The following EMILIN3 variants were observed in gnomAD, a reference collection of about 807,000 sequenced individuals.
EMILIN3 encodes the protein EMILIN-3.
Under a neutral mutation model 42.8 loss-of-function variants are expected in EMILIN3, and 38 were observed. The observed-to-expected ratio is 0.89, with a 90% CI of 0.69 to 1.16. The LOEUF (loss-of-function observed/expected upper bound fraction) is 1.16. EMILIN3 is among the 50% of genes most tolerant of loss of function. EMILIN3 has a pLI of 0.00. For missense variants in EMILIN3, 924 were observed against 999.5 expected, an observed-to-expected ratio of 0.92 and a Z score of 1.02; for synonymous variants, 430 against 440.5, an observed-to-expected ratio of 0.98 and a Z score of 0.30.
rs770795588 is a variant in EMILIN3 at position 41,362,194 on chromosome 20, C to G, written c.1375G>C (p.Gly459Arg). The G allele has an allele frequency of 1.5e-5, 25 of 1,613,884 alleles. No individual in the cohort carries two copies. In the African/African-American group the frequency reaches 1.6e-4, roughly 10 times the overall value. ...ARGCCLRLDMGGWGVGGFGTM... is the reference protein window; with the variant it reads ...ARGCCLRLDMRGWGVGGFGTM... ...CCAAAGCCGCCCACTCCCCACCCCC[C>G]CATGTCCAACCTCAGACAGCATCCC... Residue 459 changes from glycine (G) to arginine (R), a missense_variant, in exon 4 of 4, where the codon GGG becomes CGG. Coordinates refer to ENST00000332312, the MANE Select transcript of EMILIN3 (RefSeq NM_052846.2).
chr20:41,362,577 T>A lies in EMILIN3; in HGVS notation c.992A>T (p.Asp331Val). The A allele has an allele frequency of 6.2e-7, 1 of 1,600,672 alleles. No individual in the cohort carries two copies. Among genetic ancestry groups the A allele is most frequent in the Non-Finnish European group, 8.5e-7 (1 of 1,179,300 alleles). Residue 331 changes from aspartate to valine, a missense_variant, in exon 4 of 4, where the codon GAC becomes GTC. By Grantham distance (152) the Asp-to-Val change is radical (BLOSUM62 -3). Transcript: ENST00000332312. ...CCGCCGTACCTCCTGCACCCGCAGG[T>A]CACACTCACTCTGGACGCCTTGCAG... ...QKLQGVQSEC[D>V]LRVQEVRRQC... is the part of the protein sequence containing the mutation.
rs530284047 is a variant in EMILIN3, at chr20:41,361,103, G to A, written c.*165C>T. On this transcript the variant is annotated 3_prime_UTR_variant, in exon 4 of 4. Coordinates refer to ENST00000332312, the MANE Select transcript of EMILIN3 (RefSeq NM_052846.2). ...TCCAGTTTCTGCAGCACTGTGCATG[G>A]GTTTTGGTGGCTGGGACAGCCACGT... 1.0e-4 allele frequency: 66 copies of A among 654,942 alleles called. No individual in the cohort carries two copies. The highest frequency in any genetic ancestry group is 3.6e-4 in the Admixed American group (12 of 33,722). 40.6% of individuals were successfully genotyped at this position (654,942 alleles called of 1,614,324 possible). A position where few individuals can be genotyped will look rare whatever the true frequency, so the allele number is the denominator to read the frequency against.
At position 41,360,091 on chromosome 20, in the gene EMILIN3, C is replaced by T. The variant is rs1043341183; in HGVS notation, c.*1177G>A. On this transcript the variant is annotated 3_prime_UTR_variant, in exon 4 of 4. Coordinates refer to ENST00000332312, the MANE Select transcript of EMILIN3 (RefSeq NM_052846.2). ...GACCTGAAGAGCAGCACAGTGGGGC[C>T]CGTGCTGCTGTGGGGGAAACTGAGG... 6.5e-6 allele frequency: 1 copy of T among 152,676 alleles called. No homozygotes were observed. The highest frequency in any genetic ancestry group is 2.4e-5 in the African/African-American group (1 of 41,442). 9.5% of individuals were successfully genotyped at this position (152,676 alleles called of 1,614,324 possible).
In EMILIN3 at chr20:41,361,028, A is replaced by C. The variant is rs973460427; in HGVS notation, c.*240T>G. 1 of 493,624 alleles carries C rather than the reference A, an allele frequency of 2.0e-6. No homozygotes were observed. 30.6% of individuals were successfully genotyped at this position (493,624 alleles called of 1,614,324 possible). ...GTGGAATGTGAACTCTCTCAAGTCT[A>C]CCCTGGCCTTCAAGCATGACATCCT... On this transcript the variant is annotated 3_prime_UTR_variant, in exon 4 of 4. Coordinates refer to ENST00000332312, the MANE Select transcript of EMILIN3 (RefSeq NM_052846.2).
Position 41,360,479 on chromosome 20 carries a change from C to T in EMILIN3, c.*789G>A, listed in dbSNP as rs1180244003. On this transcript the variant is annotated 3_prime_UTR_variant, in exon 4 of 4. Transcript: ENST00000332312. ...AAAGGATAAATTTGGAGTGGGGGGT[C>T]TCTAAACAGATTGCCTGGATTCCGT... 1 of 152,742 alleles carries T rather than the reference C, an allele frequency of 6.5e-6. No individual in the cohort carries two copies. The highest frequency in any genetic ancestry group is 1.5e-5 in the Non-Finnish European group (1 of 68,136). The allele number at this position is 152,742 out of a possible 1,614,324, so 9.5% of individuals were successfully genotyped here.
In EMILIN3 at chr20:41,362,602, G is replaced by A. The variant is rs1337940600; in HGVS notation, c.967C>T (p.Leu323=). The part of the protein sequence containing the change: ...GSLLDGFEQK[L]QGVQSECDLR... ...TCACACTCACTCTGGACGCCTTGCAGCTTCTGCTCAAAGCCATCCAGCAGG... is the reference window on the plus strand; with the variant it reads ...TCACACTCACTCTGGACGCCTTGCAACTTCTGCTCAAAGCCATCCAGCAGG... Residue 323 remains leucine, a synonymous_variant, in exon 4 of 4, where the codon CTG becomes TTG. Transcript: ENST00000332312. 1 of 1,602,604 alleles carries A rather than the reference G, an allele frequency of 6.2e-7. No homozygotes were observed. The highest frequency in any genetic ancestry group is 8.5e-7 in the Non-Finnish European group (1 of 1,179,512).
chr20:41,363,102 C>G, intron 3 of EMILIN3, 48 bp from the exon 4 acceptor site: 1 of 1,423,806 alleles, frequency 7.0e-7, no homozygotes, highest in South Asian at 1.5e-5. Flanking sequence ...CTCACCCTCT[C>G]AGCTTGTCAC....
rs189552689 is a variant in EMILIN3 at position 41,361,913 on chromosome 20, G to C, written c.1656C>G (p.Ala552=). Residue 552 remains alanine (A), a synonymous_variant, in exon 4 of 4, where the codon GCC becomes GCG. Transcript: ENST00000332312. ...GCTGCTGGAGCAGTGCTGCGTGGCT[G>C]GCCACCTGGCGTAGGAGGGCCTCGC... ...SRSEALLRQV[A]SHAALLQQLN... is the part of the protein sequence containing the mutation. 6.2e-7 allele frequency: 1 copy of C among 1,613,256 alleles called. No individual in the cohort carries two copies. The highest frequency in any genetic ancestry group is 8.5e-7 in the Non-Finnish European group (1 of 1,180,000).
chr20:41,363,543 G>A (rs796705265), intron 3 of EMILIN3, 95 bp downstream of exon 3: 34 of 1,273,950 alleles, frequency 2.7e-5, no homozygotes, highest in African/African-American at 2.1e-4. Context: ...CATCCATGCC[G>A]GAGCTCAGCC....
chr20:41,361,001 C>T lies in EMILIN3; in HGVS notation c.*267G>A. On this transcript the variant is annotated 3_prime_UTR_variant, in exon 4 of 4. Coordinates refer to ENST00000332312, the MANE Select transcript of EMILIN3 (RefSeq NM_052846.2). ...GGCTGTCCAGACACTGATTTGCTGA[C>T]AGTGGAATGTGAACTCTCTCAAGTC... 2 of 457,970 alleles carry T rather than the reference C, an allele frequency of 4.4e-6. No individual in the cohort carries two copies. The highest frequency in any genetic ancestry group is 3.3e-5 in the East Asian group (1 of 30,736). 28.4% of individuals were successfully genotyped at this position (457,970 alleles called of 1,614,324 possible).
chr20:41,362,351 G>C lies in EMILIN3; in HGVS notation c.1218C>G (p.Thr406=). The C allele has an allele frequency of 6.2e-7, 1 of 1,608,998 alleles. No individual in the cohort carries two copies. Among genetic ancestry groups the C allele is most frequent in the African/African-American group, 1.3e-5 (1 of 75,048 alleles). The change falls in exon 4 of 4, where the codon ACC becomes ACG. Residue 406 remains threonine (T), a synonymous_variant. Transcript: ENST00000332312. ...DGLERALQAV[T]ETQRGPGAPA... ...GGGCACCGGGGCCCCTTTGGGTCTCGGTGACTGCCTGCAGGGCCCTCTCAA... is the reference window on the plus strand; with the variant it reads ...GGGCACCGGGGCCCCTTTGGGTCTCCGTGACTGCCTGCAGGGCCCTCTCAA...
rs1324816594 is a variant in EMILIN3, at chr20:41,362,999, G to T, written c.570C>A (p.Val190=). The T allele has an allele frequency of 6.2e-7, 1 of 1,609,260 alleles. No individual in the cohort carries two copies. The highest frequency in any genetic ancestry group is 8.5e-7 in the Non-Finnish European group (1 of 1,176,724). The change falls in exon 4 of 4, where the codon GTC becomes GTA. Residue 190 remains valine (V), a synonymous_variant. Transcript: ENST00000332312. ...TACCATATGTTTGAGCCAGGCGCTG[G>T]ACATCACCCTCCAGGCGTTCCAGCC... ...GERLERLEGD[V]QRLAQTYGTL...
Position 41,362,144 on chromosome 20 carries a change from C to T in EMILIN3, c.1425G>A (p.Gln475=). ...GFGTMLEERV[Q]SLEERLATLA... ...ATGTTGCTAGGCGCTCCTCGAGGCT[C>T]TGCACGCGCTCTTCCAGCATGGTCC... The change falls in exon 4 of 4, where the codon CAG becomes CAA. Residue 475 remains glutamine (Q), a synonymous_variant. Transcript: ENST00000332312. The T allele has an allele frequency of 6.2e-7, 1 of 1,610,224 alleles. No homozygotes were observed. The highest frequency in any genetic ancestry group is 8.5e-7 in the Non-Finnish European group (1 of 1,177,552).
rs770814397 is a variant in EMILIN3, at chr20:41,362,936, G to T, written c.633C>A (p.Asn211Lys). The T allele has an allele frequency of 1.9e-6, 3 of 1,613,596 alleles. No individual in the cohort carries two copies. Among genetic ancestry groups the T allele is most frequent in the Non-Finnish European group, 2.5e-6 (3 of 1,179,834 alleles). The change falls in exon 4 of 4, where the codon AAC becomes AAA. Residue 211 changes from asparagine (N) to lysine (K), a missense_variant. Physicochemically the swap from Asn to Lys is moderately conservative, Grantham distance 94 (BLOSUM62 0). Transcript: ENST00000332312. ...SGLVASHEDPNRMTGGPRAPA... is the reference protein window; with the variant it reads ...SGLVASHEDPKRMTGGPRAPA... ...GAGCCCTGGGGCCACCAGTCATCCT[G>T]TTGGGATCCTCGTGGCTAGCCACCA...
Position 41,361,348 on chromosome 20 carries a change from C to T in EMILIN3, c.2221G>A (p.Asp741Asn), listed in dbSNP as rs565723351. 1.1e-5 allele frequency: 18 copies of T among 1,612,768 alleles called. No individual in the cohort carries two copies. The South Asian group carries it at 1.5e-4, about 14-fold the overall frequency. The change falls in exon 4 of 4, where the codon GAC (aspartate) becomes AAC (asparagine). Residue 741 changes from aspartate to asparagine, a missense_variant. By Grantham distance (23) the Asp-to-Asn change is conservative (BLOSUM62 1). Transcript: ENST00000332312. ...AGGTCATCCCGGAGGCGGGCAATGT[C>T]CTGCGTGTGCTGGGCCAGCGTACGA... ...LNRTLAQHTQDIARLRDDLLD... is the reference protein window; with the variant it reads ...LNRTLAQHTQNIARLRDDLLD...
Position 41,361,891 on chromosome 20 carries a change from G to A in EMILIN3, c.1678C>T (p.Gln560Ter). The change falls in exon 4 of 4, where the codon CAG (glutamine) becomes TAG (stop). Residue 560 changes from glutamine to a stop codon, truncating the protein, a stop_gained. Transcript: ENST00000332312. LOFTEE classifies it high-confidence loss of function. ...ACCTCGGCCACAGTGCCATTGAGCT[G>A]CTGGAGCAGTGCTGCGTGGCTGGCC... Reference protein sequence around the residue: ...QVASHAALLQQLNGTVAEVQG... With the variant: ...QVASHAALLQ The A allele has an allele frequency of 6.2e-7, 1 of 1,613,524 alleles. No homozygotes were observed. The highest frequency in any genetic ancestry group is 8.5e-7 in the Non-Finnish European group (1 of 1,180,036).
In EMILIN3 at chr20:41,360,899, G is replaced by T; in HGVS notation, c.*369C>A. 1 of 297,878 alleles carries T rather than the reference G, an allele frequency of 3.4e-6. No homozygotes were observed. Among genetic ancestry groups the T allele is most frequent in the Non-Finnish European group, 6.3e-6 (1 of 157,950 alleles). The allele number at this position is 297,878 out of a possible 1,614,324, so 18.5% of individuals were successfully genotyped here. A position where few individuals can be genotyped will look rare whatever the true frequency, so the allele number is the denominator to read the frequency against. On this transcript the variant is annotated 3_prime_UTR_variant, in exon 4 of 4. Coordinates refer to ENST00000332312, the MANE Select transcript of EMILIN3 (RefSeq NM_052846.2). ...TGACTGCCTGCAGGGTCCTCTCAAG[G>T]CCTTACATACGGACACTGATCAAGG...
Position 41,365,027 on chromosome 20 carries a change from G to A in EMILIN3, c.290+8C>T, listed in dbSNP as rs577441327. On this transcript the variant is annotated splice_region_variant and intron_variant, in intron 2 of 3. Transcript: ENST00000332312. Reference sequence around the variant, plus strand: ...GATTCCAAGTGTGTAGGTGAGGAGTGCACTTACGTGACTGTCCCGGGGCAC... The same window carrying A: ...GATTCCAAGTGTGTAGGTGAGGAGTACACTTACGTGACTGTCCCGGGGCAC... 112 of 1,613,538 alleles carry A rather than the reference G, an allele frequency of 6.9e-5. 2 individuals are homozygous for A. The East Asian group carries it at 2.0e-3, about 29-fold the overall frequency.
rs149875541 is a variant in EMILIN3 at position 41,362,995 on chromosome 20, G to A, written c.574C>T (p.Arg192Cys). 5.3e-4 allele frequency: 846 copies of A among 1,610,292 alleles called. 2 individuals are homozygous for A. The highest frequency in any genetic ancestry group is 5.8e-4 in the Non-Finnish European group (682 of 1,177,552). Residue 192 changes from arginine to cysteine, a missense_variant, in exon 4 of 4, where the codon CGC (arginine) becomes TGC (cysteine). By Grantham distance (180) the Arg-to-Cys change is radical. Transcript: ENST00000332312. Reference protein sequence around the residue: ...RLERLEGDVQRLAQTYGTLSG... With the variant: ...RLERLEGDVQCLAQTYGTLSG... ...AGGGTACCATATGTTTGAGCCAGGC[G>A]CTGGACATCACCCTCCAGGCGTTCC...
Sources: allele counts gnomAD v4.1 joint callset, GRCh38; gene constraint gnomAD v4.1.1; transcripts MANE v1.5; gene names NCBI Gene and HGNC (gene_info 2026-07-23, HGNC 2026-07-21).